The following ESF1 variants were observed in gnomAD, a reference collection of about 807,000 sequenced individuals.
ESF1 encodes ESF1 nucleolar pre-rRNA processing protein.
A neutral mutation model predicts 92.0 loss-of-function variants in ESF1; 58 were observed. That is an observed-to-expected ratio of 0.63 (90% CI 0.51 to 0.78). The LOEUF (loss-of-function observed/expected upper bound fraction) is 0.78. Among genes scored for constraint, ESF1 ranks in the 30% least tolerant of loss-of-function variants. The pLI, the probability that ESF1 is intolerant of heterozygous loss-of-function variation, is 0.00. For synonymous variants in ESF1, 321 were observed against 313.7 expected, an observed-to-expected ratio of 1.02 and a Z score of -0.24; for missense variants, 922 against 989.1, an observed-to-expected ratio of 0.93 and a Z score of 0.91.
At chr20:13,732,834 G>A (rs1416160892) in intron 10 of ESF1, among the ~76,000 whole-genome samples, 1 of 152,142 alleles carries the variant, frequency 6.6e-6, no homozygotes, top group Non-Finnish European at 1.5e-5. Context: ...TGGAAAAGAT[G>A]CTATTCCCTG....
chr20:13,762,883 CAG>C (rs1189063469), intron 8 of ESF1: 2 of 229,522 alleles, frequency 8.7e-6, no homozygotes, highest in Admixed American at 8.8e-5. Flanking sequence ...TTTTTTGAGA[CAG>C]AGTCTCACTC....
chr20:13,769,604 A>G (rs3789337), intron 7 of ESF1, among the ~76,000 whole-genome samples: 101,617 of 151,972 alleles, frequency 0.67, 34,443 homozygotes, highest in African/African-American at 0.78. Flanking sequence ...TGGTCAACAT[A>G]GCGAAACACT....
intron 6 of ESF1, among the ~76,000 whole-genome samples, chr20:13,770,548 A>G (rs1979637605): frequency 6.6e-6 from 1 of 152,186 alleles, no homozygotes; most frequent in Non-Finnish European, 1.5e-5. Context: ...GGGTCTCACT[A>G]TGTTGCCCAG....
chr20:13,783,053 G>C lies in ESF1; in HGVS notation c.88C>G (p.Arg30Gly), dbSNP rs774031716. 8 of 1,613,800 alleles carry C rather than the reference G, an allele frequency of 5.0e-6. No homozygotes were observed. The highest frequency in any genetic ancestry group is 1.7e-5 in the Admixed American group (1 of 59,996). Residue 30 changes from arginine (R) to glycine (G), a missense_variant, in exon 2 of 14, where the codon CGA becomes GGA. Transcript: ENST00000617257. ...AATCTCTTGTCAATTTTGACTTTTC[G>C]ATCCTTTTCTGGCATTTCCCAAAAT... is the stretch of plus-strand genomic sequence containing the variant. ...PRFWEMPEKD[R>G]KVKIDKRFRA...
intron 9 of ESF1, among the ~76,000 whole-genome samples, chr20:13,754,623 G>C (rs1978799605): frequency 1.3e-5 from 2 of 152,032 alleles, no homozygotes; most frequent in South Asian, 4.1e-4. Flanking sequence ...CCATCCACAA[G>C]CTTCATTATC....
At chr20:13,744,091 CAAT>C (rs1205563746) in intron 9 of ESF1, among the ~76,000 whole-genome samples, 1 of 152,124 alleles carries the variant, frequency 6.6e-6, no homozygotes, top group African/African-American at 2.4e-5. Context: ...ACAAACAAAC[CAAT>C]CAATAAAAAG....
At chr20:13,773,955 C>T (rs1458097978) in intron 4 of ESF1, among the ~76,000 whole-genome samples, 1 of 151,842 alleles carries the variant, frequency 6.6e-6, no homozygotes, top group African/African-American at 2.4e-5. Flanking sequence ...ATTAGCCGGG[C>T]GTGGTGGTGG....
intron 11 of ESF1, among the ~76,000 whole-genome samples, chr20:13,722,960 A>G (rs2049878022): frequency 6.6e-6 from 1 of 152,222 alleles, no homozygotes; most frequent in Non-Finnish European, 1.5e-5. Flanking sequence ...CGAGTCAGAT[A>G]TTAGAGTTTT....
At chr20:13,728,593 G>A (rs1211368156) in intron 10 of ESF1, 128 bp from the exon 11 acceptor site, 14 of 762,210 alleles carry the variant, frequency 1.8e-5, no homozygotes, top group South Asian at 5.9e-5. Context: ...GTGGCCAAGC[G>A]TGGTGGCTCA....
chr20:13,759,714 T>C lies in ESF1; in HGVS notation c.1806A>G (p.Glu602=). Reference sequence around the variant, plus strand: ...TACCTGGAACCCATTTAATTTCCATTTCCATATCATTTTCTTTGCCTTTCT... The same window carrying C: ...TACCTGGAACCCATTTAATTTCCATCTCCATATCATTTTCTTTGCCTTTCT... The part of the protein sequence containing the change: ...KEKKGKENDM[E]MEIKWVPGLK... The change falls in exon 9 of 14, where the codon GAA becomes GAG. Residue 602 remains glutamate, a synonymous_variant. Transcript: ENST00000617257. 6.3e-7 allele frequency: 1 copy of C among 1,575,814 alleles called. No individual in the cohort carries two copies. Among genetic ancestry groups the C allele is most frequent in the African/African-American group, 1.4e-5 (1 of 72,010 alleles).
intron 4 of ESF1, among the ~76,000 whole-genome samples, chr20:13,774,680 T>A (rs1979844198): frequency 6.6e-6 from 1 of 152,224 alleles, no homozygotes; most frequent in Admixed American, 6.5e-5. Flanking sequence ...AAAGCCTGGA[T>A]TCTTAATTAT....
Position 13,783,265 on chromosome 20 carries a change from CT to C in ESF1, c.-43-83del, listed in dbSNP as rs1980334011. ...TTTTAAAACACATTCACAATATATTCTAAGTTAATATATTCTAAGTTAAGTG... is the reference window on the plus strand; with the variant it reads ...TTTTAAAACACATTCACAATATATTCAAGTTAATATATTCTAAGTTAAGTG... On this transcript the variant is annotated intron_variant, in intron 1 of 13. Coordinates refer to ENST00000617257, the MANE Select transcript of ESF1 (RefSeq NM_001276380.2). 2.0e-5 allele frequency: 20 copies of C among 976,698 alleles called. 1 individual carries two copies. The highest frequency in any genetic ancestry group is 2.6e-5 in the Non-Finnish European group (18 of 684,862). 60.5% of individuals were successfully genotyped at this position (976,698 alleles called of 1,614,324 possible). A position where few individuals can be genotyped will look rare whatever the true frequency, so the allele number is the denominator to read the frequency against.
At chr20:13,779,604 G>A (rs937502756) in intron 2 of ESF1, among the ~76,000 whole-genome samples, 1 of 152,154 alleles carries the variant, frequency 6.6e-6, no homozygotes, top group African/African-American at 2.4e-5. Flanking sequence ...GCACGATCTT[G>A]GCTCACTGCA....
chr20:13,720,449 A>G (rs888931514), intron 11 of ESF1, among the ~76,000 whole-genome samples: 11 of 152,228 alleles, frequency 7.2e-5, no homozygotes, highest in African/African-American at 2.7e-4. Flanking sequence ...TATGCTTGCC[A>G]AAACCATTCA....
At chr20:13,731,982 TTGTAATA>T (rs1393034707) in intron 10 of ESF1, among the ~76,000 whole-genome samples, 1 of 152,272 alleles carries the variant, frequency 6.6e-6, no homozygotes, top group African/African-American at 2.4e-5. Context: ...TCTGTATCCT[TTGTAATA>T]TCCTTTATGA....
At chr20:13,769,869 T>C (rs1319185131) in intron 7 of ESF1, 38 bp downstream of exon 7, 3 of 1,252,262 alleles carry the variant, frequency 2.4e-6, no homozygotes, top group South Asian at 2.5e-5. Context: ...CATAAAGCAA[T>C]AGAGTCCAGC....
At chr20:13,755,744 C>G (rs2147757200) in intron 9 of ESF1, among the ~76,000 whole-genome samples, 1 of 152,184 alleles carries the variant, frequency 6.6e-6, no homozygotes, top group East Asian at 1.9e-4. Context: ...GTAGCTCATT[C>G]CAGTTGTTAT....
At chr20:13,770,150 G>T in intron 6 of ESF1, 129 bp from the exon 7 acceptor site, 1 of 580,620 alleles carries the variant, frequency 1.7e-6, no homozygotes, top group Non-Finnish European at 3.0e-6. Context: ...AAGAGACAAT[G>T]TTAGACATAA....
At chr20:13,742,524 A>T (rs1464082217) in intron 9 of ESF1, among the ~76,000 whole-genome samples, 1 of 151,978 alleles carries the variant, frequency 6.6e-6, no homozygotes, top group Non-Finnish European at 1.5e-5. Flanking sequence ...CAGCAATTAT[A>T]CTCCTAACAC....
Sources: gnomAD v4.1 joint callset for allele counts (sites outside exome capture counted in the v4.1 genomes callset) on GRCh38, gnomAD v4.1.1 for gene constraint, MANE v1.5 for transcripts, NCBI Gene and HGNC (gene_info 2026-07-23, HGNC 2026-07-21) for gene names.